Variants in PCDHA4 observed in about 807,000 individuals in gnomAD.
PCDHA4 encodes the protein protocadherin alpha 4.
A neutral mutation model predicts 61.4 loss-of-function variants in PCDHA4; 49 were observed. The ratio of observed to expected loss-of-function variants is 0.80; its 90% CI spans 0.63 to 1.01. The LOEUF (loss-of-function observed/expected upper bound fraction) is 1.01. Among genes scored for constraint, PCDHA4 ranks in the 50% least tolerant of loss-of-function variants. PCDHA4 has a pLI of 0.00. For missense variants in PCDHA4, 1,254 were observed against 1,235.8 expected (o/e 1.01, Z -0.22); for synonymous variants, 590 against 550.3 (o/e 1.07, Z -1.01).
Position 140,876,759 on chromosome 5 carries a change from T to C in PCDHA4, c.2385+67187T>C, listed in dbSNP as rs782783090. The C allele has an allele frequency of 1.2e-5, 19 of 1,614,028 alleles. No homozygotes were observed. In the Admixed American group the frequency reaches 2.8e-4, roughly 24 times the overall value. Reference sequence around the variant, plus strand: ...ATGAGCTGGTGGTGACTGCGCGGGATGGGGGCTCGCCTTCGCTGTGGGCCA... The same window carrying C: ...ATGAGCTGGTGGTGACTGCGCGGGACGGGGGCTCGCCTTCGCTGTGGGCCA... On this transcript the variant is annotated intron_variant, in intron 1 of 3. Transcript: ENST00000530339.
chr5:140,978,829 T>C, intron 1 of PCDHA4, 120 bp from the exon 2 acceptor site: 1 of 1,533,852 alleles, frequency 6.5e-7, no homozygotes, highest in Non-Finnish European at 8.8e-7. Flanking sequence ...ATGAAATGGC[T>C]CATTCAATAC....
chr5:140,911,827 A>C (rs2075655305), intron 1 of PCDHA4, among the ~76,000 whole-genome samples: 1 of 152,162 alleles, frequency 6.6e-6, no homozygotes, highest in African/African-American at 2.4e-5. Context: ...GAAACCCCAA[A>C]ACCAATGAAA....
chr5:140,967,100 G>A, intron 1 of PCDHA4: 1 of 1,613,092 alleles, frequency 6.2e-7, no homozygotes, highest in Non-Finnish European at 8.5e-7. Context: ...GGCGCTGTGT[G>A]AGCAGCGGCC....
At chr5:140,829,347 C>T in intron 1 of PCDHA4, 5 of 1,614,232 alleles carry the variant, frequency 3.1e-6, no homozygotes, top group Non-Finnish European at 4.2e-6. Flanking sequence ...GAGAGCGTGT[C>T]GGCCTATGAG....
intron 1 of PCDHA4, chr5:140,966,538 C>G: frequency 2.2e-6 from 1 of 463,262 alleles, no homozygotes; most frequent in Non-Finnish European, 3.7e-6. Flanking sequence ...GGTTGAGCGA[C>G]TCGGAGGCGA....
intron 1 of PCDHA4, among the ~76,000 whole-genome samples, chr5:140,970,970 T>C (rs1554232920): frequency 1.3e-5 from 2 of 152,170 alleles, no homozygotes; most frequent in African/African-American, 2.4e-5. Flanking sequence ...GATTGTAGAT[T>C]AAGAAAAATG....
chr5:140,967,040 C>G, intron 1 of PCDHA4: 1 of 1,611,752 alleles, frequency 6.2e-7, no homozygotes, highest in South Asian at 1.1e-5. Flanking sequence ...CTACCTGGAG[C>G]TGGACCTGAC....
chr5:140,961,929 G>C (rs1387333199), intron 1 of PCDHA4, among the ~76,000 whole-genome samples: 1 of 151,712 alleles, frequency 6.6e-6, no homozygotes, highest in Non-Finnish European at 1.5e-5. Context: ...TGTTGCCCAG[G>C]CTGGAGTGCA....
intron 1 of PCDHA4, chr5:140,814,096 A>G (rs1320387374): frequency 6.5e-6 from 1 of 153,604 alleles, no homozygotes; most frequent in Non-Finnish European, 1.4e-5. Context: ...CTTTTGTAAT[A>G]ACGCTTAGCT....
chr5:140,898,881 A>G (rs1472274164), intron 1 of PCDHA4, among the ~76,000 whole-genome samples: 1 of 152,102 alleles, frequency 6.6e-6, no homozygotes, highest in Non-Finnish European at 1.5e-5. Context: ...AGTGGTTTGT[A>G]GTTCTCCTTG....
At chr5:140,818,061 C>T (rs2150099980) in intron 1 of PCDHA4, among the ~76,000 whole-genome samples, 2 of 152,206 alleles carry the variant, frequency 1.3e-5, no homozygotes, top group African/African-American at 4.8e-5. Context: ...TTTTTAATCT[C>T]GCTTGCAGTT....
chr5:140,863,527 G>C, intron 1 of PCDHA4: 1 of 392,272 alleles, frequency 2.5e-6, no homozygotes, highest in Non-Finnish European at 5.0e-6. Context: ...CCATGGTTCA[G>C]ATTTTGGAGA....
At chr5:140,952,515 C>G (rs2094758109) in intron 1 of PCDHA4, among the ~76,000 whole-genome samples, 1 of 152,132 alleles carries the variant, frequency 6.6e-6, no homozygotes, top group Non-Finnish European at 1.5e-5. Context: ...TCATCTCCAT[C>G]TGAGACCTCC....
intron 1 of PCDHA4, among the ~76,000 whole-genome samples, chr5:140,872,240 T>A (rs2053559781): frequency 6.6e-6 from 1 of 152,178 alleles, no homozygotes; most frequent in Non-Finnish European, 1.5e-5. Flanking sequence ...TTGTCTTTAT[T>A]CCTGTGATAA....
intron 1 of PCDHA4, chr5:140,866,572 G>A (rs1184209628): frequency 1.3e-5 from 2 of 152,168 alleles, no homozygotes; most frequent in Non-Finnish European, 2.9e-5. Context: ...TGTTAATACA[G>A]TGGTTGGATA....
At chr5:140,830,533 A>G in intron 1 of PCDHA4, 1 of 1,268,354 alleles carries the variant, frequency 7.9e-7, no homozygotes, top group South Asian at 2.0e-5. Flanking sequence ...TTAAATTTAT[A>G]ATTGTTTTCC....
chr5:140,830,377 G>A, intron 1 of PCDHA4: 2 of 1,614,174 alleles, frequency 1.2e-6, no homozygotes, highest in South Asian at 1.1e-5. Flanking sequence ...GCTCCGGGGA[G>A]GGCCCACCCA....
At chr5:140,930,002 C>T (rs1304233576) in intron 1 of PCDHA4, 4 of 152,196 alleles carry the variant, frequency 2.6e-5, no homozygotes, top group African/African-American at 9.6e-5. Flanking sequence ...CACCCTAAAA[C>T]ATAGCTGATA....
At chr5:140,890,784 T>C (rs2062805881) in intron 1 of PCDHA4, among the ~76,000 whole-genome samples, 1 of 152,212 alleles carries the variant, frequency 6.6e-6, no homozygotes, top group South Asian at 2.1e-4. Flanking sequence ...CCATAAGATA[T>C]TAGTATTATT....
Sources: gnomAD v4.1 joint callset for allele counts (sites outside exome capture counted in the v4.1 genomes callset) on GRCh38, gnomAD v4.1.1 for gene constraint, MANE v1.5 for transcripts, NCBI Gene and HGNC (gene_info 2026-07-23, HGNC 2026-07-21) for gene names.